TTLL11: variants seen among roughly 807,000 people sequenced by gnomAD.
TTLL11 encodes tubulin tyrosine ligase like 11.
In TTLL11, 42 loss-of-function variants were observed where a neutral mutation model predicts 51.7. The ratio of observed to expected loss-of-function variants is 0.81; its 90% confidence interval spans 0.64 to 1.05. The LOEUF (loss-of-function observed/expected upper bound fraction) is 1.05, where lower values mean the gene tolerates loss of function less well. Ranked by LOEUF, TTLL11 falls within the 50% of genes least tolerant of loss-of-function variation. The pLI, the probability that TTLL11 is intolerant of heterozygous loss-of-function variation, is 0.00. For synonymous variants in TTLL11, 381 were observed against 383.5 expected, an observed-to-expected ratio of 0.99 and a Z score of 0.08; for missense variants, 799 against 940.4, an observed-to-expected ratio of 0.85 and a Z score of 1.97.
At chr9:121,983,520 C>T (rs965539641) in intron 4 of TTLL11, among the ~76,000 whole-genome samples, 2 of 152,174 alleles carry the variant, frequency 1.3e-5, no homozygotes, top group African/African-American at 4.8e-5. Flanking sequence ...AGGCCTGAGA[C>T]TCTCCAACAC....
chr9:121,934,287 T>G (rs73662535), intron 6 of TTLL11, among the ~76,000 whole-genome samples: 11,500 of 152,154 alleles, frequency 0.076, 644 homozygotes, highest in African/African-American at 0.16. Context: ...CATCTTGCGC[T>G]TTGGATCTTT....
At chr9:121,880,307 C>T (rs1362497551) in intron 6 of TTLL11, among the ~76,000 whole-genome samples, 1 of 152,186 alleles carries the variant, frequency 6.6e-6, no homozygotes, top group Non-Finnish European at 1.5e-5. Flanking sequence ...TCCAGGTCTG[C>T]ATGGCCTGGT....
At chr9:121,931,909 CCT>C (rs758158859) in intron 6 of TTLL11, among the ~76,000 whole-genome samples, 18 of 152,308 alleles carry the variant, frequency 1.2e-4, no homozygotes, top group Non-Finnish European at 2.6e-4. Flanking sequence ...TGATTTCTCT[CCT>C]CTCTCTGAAT....
chr9:122,035,936 C>T (rs1026092384), intron 2 of TTLL11, among the ~76,000 whole-genome samples: 1 of 152,128 alleles, frequency 6.6e-6, no homozygotes, highest in East Asian at 1.9e-4. Flanking sequence ...ACTTGCCCTT[C>T]GATGAACGAG....
chr9:121,867,194 T>C (rs1166905090), intron 7 of TTLL11, among the ~76,000 whole-genome samples: 1 of 152,244 alleles, frequency 6.6e-6, no homozygotes, highest in Admixed American at 6.5e-5. Flanking sequence ...TGGGCAGTCA[T>C]GCTTTCACTG....
intron 6 of TTLL11, among the ~76,000 whole-genome samples, chr9:121,896,068 GTATC>G: frequency 6.6e-6 from 1 of 150,772 alleles, no homozygotes; most frequent in Non-Finnish European, 1.5e-5. Flanking sequence ...GTGTGTCATT[GTATC>G]TGTGTGTGCC....
intron 3 of TTLL11, among the ~76,000 whole-genome samples, chr9:122,019,360 C>T (rs1329255001): frequency 1.1e-4 from 16 of 152,224 alleles, no homozygotes; most frequent in Admixed American, 1.0e-3. Flanking sequence ...ATGGCTTCCC[C>T]TTGATAAGCG....
chr9:122,028,036 T>C (rs907450359), intron 3 of TTLL11, among the ~76,000 whole-genome samples: 1 of 152,218 alleles, frequency 6.6e-6, no homozygotes, highest in Non-Finnish European at 1.5e-5. Context: ...AATATGTTAC[T>C]TGAAGTATGT....
At chr9:121,923,059 T>G (rs1359570920) in intron 6 of TTLL11, among the ~76,000 whole-genome samples, 1 of 152,186 alleles carries the variant, frequency 6.6e-6, no homozygotes, top group Non-Finnish European at 1.5e-5. Flanking sequence ...AAGGCAACAA[T>G]TATAACTCAC....
At chr9:122,073,996 G>A (rs1404010808) in intron 1 of TTLL11, among the ~76,000 whole-genome samples, 3 of 152,152 alleles carry the variant, frequency 2.0e-5, no homozygotes, top group Admixed American at 2.0e-4. Flanking sequence ...ATGCTGGCCG[G>A]GCGCAGTGGC....
At chr9:122,051,667 G>A (rs1320480275) in intron 1 of TTLL11, among the ~76,000 whole-genome samples, 3 of 151,756 alleles carry the variant, frequency 2.0e-5, no homozygotes, top group Non-Finnish European at 2.9e-5. Context: ...TCACTCACTC[G>A]CTCTCACTTC....
intron 1 of TTLL11, among the ~76,000 whole-genome samples, chr9:122,067,570 G>A (rs1002997926): frequency 6.6e-6 from 1 of 152,278 alleles, no homozygotes; most frequent in African/African-American, 2.4e-5. Context: ...CACCCAGGCT[G>A]GAGTGCAATG....
chr9:121,845,913 A>G (rs77376372), intron 8 of TTLL11, among the ~76,000 whole-genome samples: 3,893 of 152,308 alleles, frequency 0.026, 104 homozygotes, highest in African/African-American at 0.072. Flanking sequence ...ATAGGTATCA[A>G]TCCAACTATA....
rs1190362195 is a variant in TTLL11, at chr9:121,985,507, T to C, written c.1269+3688A>G. On this transcript the variant is annotated intron_variant, in intron 4 of 8. Transcript: ENST00000321582. ...CTCCAAGGAGAAAAGGATACCATTT[T>C]CTTTTCTTTTTTTTTTTTTTTTTTT... is the stretch of plus-strand genomic sequence containing the variant. 7.0e-5 allele frequency among the ~76,000 whole-genome samples: 10 copies of C among 143,496 alleles called. No individual in the cohort carries two copies. In the East Asian group the frequency reaches 2.0e-3, roughly 28 times the overall value. The allele number at this position is 143,496 out of a possible 152,430, so 94.1% of individuals were successfully genotyped here. A position where few individuals can be genotyped will look rare whatever the true frequency, so the allele number is the denominator to read the frequency against.
chr9:121,838,254 T>C (rs1837235112), intron 8 of TTLL11, among the ~76,000 whole-genome samples: 1 of 152,140 alleles, frequency 6.6e-6, no homozygotes, highest in African/African-American at 2.4e-5. Flanking sequence ...TTTTTGAGAC[T>C]TCTCTTACCT....
At chr9:122,000,253 C>T (rs7868666) in intron 3 of TTLL11, among the ~76,000 whole-genome samples, 4,010 of 152,020 alleles carry the variant, frequency 0.026, 179 homozygotes, top group African/African-American at 0.092. Flanking sequence ...AGGCGGATCA[C>T]GAGGTCAGGA....
At chr9:122,079,601 C>T (rs1043404497) in intron 1 of TTLL11, among the ~76,000 whole-genome samples, 30 of 151,788 alleles carry the variant, frequency 2.0e-4, no homozygotes, top group Admixed American at 1.5e-3. Context: ...CCCAGCTACT[C>T]GGGAGGCTGA....
At chr9:122,066,851 G>A (rs575872192) in intron 1 of TTLL11, among the ~76,000 whole-genome samples, 1 of 152,242 alleles carries the variant, frequency 6.6e-6, no homozygotes, top group South Asian at 2.1e-4. Context: ...TTAAAATCAT[G>A]ACAGAAGGGG....
At chr9:122,037,466 C>T (rs1480833110) in intron 2 of TTLL11, among the ~76,000 whole-genome samples, 1 of 152,142 alleles carries the variant, frequency 6.6e-6, no homozygotes, top group African/African-American at 2.4e-5. Flanking sequence ...AGCTGAATTA[C>T]TAGGCCACAA....
Sources: allele counts gnomAD v4.1 joint callset (sites outside exome capture counted in the v4.1 genomes callset), GRCh38; gene constraint gnomAD v4.1.1; transcripts MANE v1.5; gene names NCBI Gene and HGNC (gene_info 2026-07-23, HGNC 2026-07-21).